Variants in KIAA1217 observed in about 807,000 individuals in gnomAD.
KIAA1217 encodes the protein KIAA1217.
Under a neutral mutation model 163.9 loss-of-function variants are expected in KIAA1217, and 88 were observed. That is an observed-to-expected ratio of 0.54 (90% CI 0.45 to 0.64). The LOEUF is 0.64. Ranked by LOEUF, KIAA1217 falls within the 30% of genes least tolerant of loss-of-function variation. KIAA1217 has a pLI of 0.00. For missense variants in KIAA1217, 2,372 were observed against 2,475.0 expected, an observed-to-expected ratio of 0.96 and a Z score of 0.88; for synonymous variants, 903 against 923.1, an observed-to-expected ratio of 0.98 and a Z score of 0.39.
chr10:24,208,833 T>C (rs368842544), upstream of KIAA1217: 16 of 211,378 alleles, frequency 7.6e-5, no homozygotes, highest in East Asian at 1.8e-3. Context: ...GCAGGCCCAG[T>C]TGTGGGTAGG....
chr10:24,243,743 CTATA>C, intron 2 of KIAA1217, among the ~76,000 whole-genome samples: 1 of 150,848 alleles, frequency 6.6e-6, no homozygotes, highest in South Asian at 2.1e-4. Flanking sequence ...ATATATAGGA[CTATA>C]TATACACATC....
chr10:24,499,738 A>G (rs1374131335), intron 8 of KIAA1217, among the ~76,000 whole-genome samples: 1 of 152,086 alleles, frequency 6.6e-6, no homozygotes, highest in Non-Finnish European at 1.5e-5. Flanking sequence ...TGTCTCAAAA[A>G]AAAGAAAGAA....
intron 1 of KIAA1217, among the ~76,000 whole-genome samples, chr10:23,887,510 A>G (rs1841235562): frequency 6.6e-6 from 1 of 151,936 alleles, no homozygotes; most frequent in Non-Finnish European, 1.5e-5. Flanking sequence ...CAATATTCAC[A>G]GTAACATAAG....
chr10:23,913,987 A>C (rs556652905), intron 1 of KIAA1217, among the ~76,000 whole-genome samples: 1 of 152,204 alleles, frequency 6.6e-6, no homozygotes, highest in Admixed American at 6.5e-5. Flanking sequence ...CCTAGGTGCC[A>C]GGGGTGTTGC....
chr10:24,355,528 C>T (rs1171662545), intron 2 of KIAA1217, among the ~76,000 whole-genome samples: 1 of 151,890 alleles, frequency 6.6e-6, no homozygotes, highest in Non-Finnish European at 1.5e-5. Context: ...ATCACAAGGG[C>T]TCTACTCTTG....
At chr10:24,002,534 C>T (rs1447057534) in intron 1 of KIAA1217, among the ~76,000 whole-genome samples, 1 of 152,162 alleles carries the variant, frequency 6.6e-6, no homozygotes, top group Non-Finnish European at 1.5e-5. Flanking sequence ...CTGCTCCATC[C>T]GACTTCAGAT....
intron 2 of KIAA1217, among the ~76,000 whole-genome samples, chr10:24,356,501 T>C (rs1044848940): frequency 1.1e-4 from 16 of 152,168 alleles, no homozygotes; most frequent in African/African-American, 3.1e-4. Context: ...CCAAGGATGT[T>C]AGGAGGTTGC....
Position 23,701,454 on chromosome 10 carries a change from C to T in KIAA1217, c.-321+6220C>T, listed in dbSNP as rs77781439. The stretch of plus-strand genomic sequence containing the variant: ...AAGTCGTCCTCAAATGGGTTGGCCA[C>T]CTGTCTTGGTTTTTCACAACTTTCC... On this transcript the variant is annotated intron_variant, in intron 1 of 18. Coordinates refer to the KIAA1217 transcript ENST00000376462. 5.4e-3 allele frequency among the ~76,000 whole-genome samples: 824 copies of T among 152,238 alleles called. 9 individuals carry two copies. Among genetic ancestry groups the T allele is most frequent in the African/African-American group, 0.019 (795 of 41,536 alleles).
At chr10:24,005,122 C>T (rs914707313) in intron 1 of KIAA1217, among the ~76,000 whole-genome samples, 1 of 152,194 alleles carries the variant, frequency 6.6e-6, no homozygotes, top group African/African-American at 2.4e-5. Flanking sequence ...TGGGATCAGG[C>T]TTCTGCCACT....
intron 14 of KIAA1217, among the ~76,000 whole-genome samples, chr10:24,529,227 T>C (rs1180180556): frequency 2.6e-5 from 4 of 152,178 alleles, no homozygotes; most frequent in Admixed American, 2.0e-4. Flanking sequence ...TCCCATTGGA[T>C]ACCAAAATCT....
intron 2 of KIAA1217, among the ~76,000 whole-genome samples, chr10:24,368,450 C>T (rs762619730): frequency 6.6e-6 from 1 of 151,752 alleles, no homozygotes; most frequent in Non-Finnish European, 1.5e-5. Context: ...ACTGACTTTC[C>T]TTTTCTTTCT....
chr10:24,019,401 A>AT (rs1393277803), intron 2 of KIAA1217, among the ~76,000 whole-genome samples: 1 of 151,868 alleles, frequency 6.6e-6, no homozygotes, highest in Admixed American at 6.6e-5. Context: ...GAATGCAAAA[A>AT]AAATTTAAAA....
chr10:24,298,302 C>A (rs913889775), intron 2 of KIAA1217, among the ~76,000 whole-genome samples: 4 of 151,502 alleles, frequency 2.6e-5, no homozygotes, highest in African/African-American at 9.7e-5. Context: ...TTTTTTTTCT[C>A]ATTTATATAA....
chr10:24,290,028 G>C (rs960091847), intron 2 of KIAA1217, among the ~76,000 whole-genome samples: 1 of 152,126 alleles, frequency 6.6e-6, no homozygotes, highest in East Asian at 1.9e-4. Context: ...CAACAGTTCC[G>C]AGTGATACTA....
At chr10:23,882,560 A>T (rs16924021) in intron 1 of KIAA1217, among the ~76,000 whole-genome samples, 1 of 151,898 alleles carries the variant, frequency 6.6e-6, no homozygotes, top group Non-Finnish European at 1.5e-5. Flanking sequence ...TGTATCCCTT[A>T]TATTGATTTA....
At chr10:24,226,588 G>C (rs2070585722) in intron 2 of KIAA1217, among the ~76,000 whole-genome samples, 1 of 152,052 alleles carries the variant, frequency 6.6e-6, no homozygotes, top group East Asian at 1.9e-4. Context: ...GTTGCAGTGA[G>C]CCAAGATCGC....
intron 3 of KIAA1217, among the ~76,000 whole-genome samples, chr10:24,400,012 A>T (rs996134757): frequency 6.6e-5 from 10 of 152,246 alleles, no homozygotes; most frequent in African/African-American, 2.4e-4. Flanking sequence ...TTTGCTACTT[A>T]ACATAGCAAC....
intron 1 of KIAA1217, among the ~76,000 whole-genome samples, chr10:23,741,180 A>C (rs913307723): frequency 1.3e-5 from 2 of 152,142 alleles, no homozygotes; most frequent in African/African-American, 4.8e-5. Context: ...CTGGATTGGC[A>C]AAAGTTATTC....
intron 2 of KIAA1217, among the ~76,000 whole-genome samples, chr10:24,181,621 G>A (rs1452972697): frequency 6.6e-6 from 1 of 152,154 alleles, no homozygotes; most frequent in Non-Finnish European, 1.5e-5. Flanking sequence ...AGTTCTAGAA[G>A]GTAACAAGAA....
Sources: gnomAD v4.1 joint callset for allele counts (sites outside exome capture counted in the v4.1 genomes callset) on GRCh38, gnomAD v4.1.1 for gene constraint, MANE v1.5 for transcripts, NCBI Gene and HGNC (gene_info 2026-07-23, HGNC 2026-07-21) for gene names.